AGBL4: variants seen among roughly 807,000 people sequenced by gnomAD.
AGBL4 encodes cytosolic carboxypeptidase 6.
Under a neutral mutation model 66.4 loss-of-function variants are expected in AGBL4, and 58 were observed. The ratio of observed to expected loss-of-function variants is 0.87; its 90% CI spans 0.71 to 1.09. The LOEUF (loss-of-function observed/expected upper bound fraction) is 1.09, where lower values mean the gene tolerates loss of function less well. Among genes scored for constraint, AGBL4 ranks in the 50% least tolerant of loss-of-function variants. The pLI is 0.00. For synonymous variants in AGBL4, 234 were observed against 222.9 expected (o/e 1.05, Z -0.44); for missense variants, 579 against 631.0 (o/e 0.92, Z 0.88).
At chr1:49,682,155 C>G (rs976202014) in intron 3 of AGBL4, among the ~76,000 whole-genome samples, 7 of 152,116 alleles carry the variant, frequency 4.6e-5, no homozygotes, top group African/African-American at 1.2e-4. Flanking sequence ...TGCCTGTAAT[C>G]CCAGCACTTT....
intron 5 of AGBL4, among the ~76,000 whole-genome samples, chr1:49,018,171 C>A (rs2149017280): frequency 6.6e-6 from 1 of 152,308 alleles, no homozygotes; most frequent in African/African-American, 2.4e-5. Context: ...GGAAGATTAG[C>A]TGTGCTCAGT....
chr1:48,604,697 C>G (rs1284471115), intron 9 of AGBL4, among the ~76,000 whole-genome samples: 1 of 152,108 alleles, frequency 6.6e-6, no homozygotes, highest in Non-Finnish European at 1.5e-5. Context: ...TACTGGCGGG[C>G]TTTTCTGTAG....
chr1:49,618,098 T>A (rs912489853), intron 3 of AGBL4, among the ~76,000 whole-genome samples: 1 of 152,168 alleles, frequency 6.6e-6, no homozygotes, highest in Non-Finnish European at 1.5e-5. Flanking sequence ...AGTGAGAACA[T>A]GTGGTGTTTG....
intron 9 of AGBL4, among the ~76,000 whole-genome samples, chr1:48,622,522 C>T (rs1352250036): frequency 7.8e-6 from 1 of 128,888 alleles, no homozygotes; most frequent in East Asian, 2.5e-4. Context: ...CTTGCTCTGT[C>T]ACCCAGGCTG....
intron 5 of AGBL4, among the ~76,000 whole-genome samples, chr1:48,989,810 T>C (rs1307081046): frequency 1.3e-5 from 2 of 152,252 alleles, no homozygotes; most frequent in Non-Finnish European, 2.9e-5. Flanking sequence ...AGATCTTGGC[T>C]ATTGTGAACA....
chr1:49,371,397 T>C (rs1644342766), intron 3 of AGBL4, among the ~76,000 whole-genome samples: 1 of 152,170 alleles, frequency 6.6e-6, no homozygotes, highest in Non-Finnish European at 1.5e-5. Context: ...GGTAGTATGC[T>C]TGTTGTTTTA....
chr1:49,859,270 T>G (rs935747090), intron 1 of AGBL4, among the ~76,000 whole-genome samples: 5 of 152,180 alleles, frequency 3.3e-5, no homozygotes, highest in African/African-American at 1.2e-4. Flanking sequence ...ACTAAGCAGA[T>G]GAAGACATTA....
chr1:49,728,673 G>T (rs1420948692), intron 2 of AGBL4, among the ~76,000 whole-genome samples: 1 of 152,096 alleles, frequency 6.6e-6, no homozygotes, highest in Non-Finnish European at 1.5e-5. Flanking sequence ...GAAGAGGGAA[G>T]AAAAACAGGA....
At position 49,250,483 on chromosome 1, in the gene AGBL4, C is replaced by T. The variant is rs536442560; in HGVS notation, c.283-4619G>A. Among the ~76,000 whole-genome samples the T allele has an allele frequency of 3.3e-4, 45 of 136,350 alleles. 1 individual carries two copies. Among genetic ancestry groups the T allele is most frequent in the South Asian group, 4.7e-4 (2 of 4,290 alleles). The allele number at this position is 136,350 out of a possible 152,430, so 89.5% of individuals were successfully genotyped here. Reference sequence around the variant, plus strand: ...TTTTTGAGACAGAATCTCATTCTGTCGCCAGGCTGGAGAGCAGTGGCTTGA... The same window carrying T: ...TTTTTGAGACAGAATCTCATTCTGTTGCCAGGCTGGAGAGCAGTGGCTTGA... On this transcript the variant is annotated intron_variant, in intron 3 of 13. Coordinates refer to ENST00000371839, the MANE Select transcript of AGBL4 (RefSeq NM_032785.4).
At chr1:49,696,713 C>A (rs1043607523) in intron 3 of AGBL4, among the ~76,000 whole-genome samples, 3 of 151,956 alleles carry the variant, frequency 2.0e-5, no homozygotes, top group East Asian at 3.9e-4. Context: ...TGGTCCCACG[C>A]GTTTAAGATA....
rs1646901070 is a variant in AGBL4 at position 49,873,857 on chromosome 1, C to A, written c.35-22339G>T. On this transcript the variant is annotated intron_variant, in intron 1 of 13. Transcript: ENST00000371839. ...AGAAAAAAACAAAACAAACAAATAC[C>A]AGCAAGATTTTTTTTGTAGAAATCA... Among the ~76,000 whole-genome samples the A allele has an allele frequency of 2.0e-5, 3 of 151,890 alleles. No individual in the cohort carries two copies. The South Asian group carries it at 6.2e-4, about 32-fold the overall frequency.
chr1:49,827,460 G>T (rs976391537), intron 2 of AGBL4, among the ~76,000 whole-genome samples: 2 of 152,090 alleles, frequency 1.3e-5, no homozygotes, highest in African/African-American at 4.8e-5. Flanking sequence ...GTTTGGTTTG[G>T]AAAGCTGTCC....
intron 6 of AGBL4, among the ~76,000 whole-genome samples, chr1:48,666,859 G>A (rs1242699930): frequency 6.6e-6 from 1 of 152,130 alleles, no homozygotes; most frequent in African/African-American, 2.4e-5. Context: ...TTCTTTGCCA[G>A]GCACTTTACA....
chr1:49,326,466 G>A (rs1270687115), intron 3 of AGBL4, among the ~76,000 whole-genome samples: 1 of 152,134 alleles, frequency 6.6e-6, no homozygotes, highest in Non-Finnish European at 1.5e-5. Flanking sequence ...GAGACATTTT[G>A]GGGAATCAGC....
intron 5 of AGBL4, among the ~76,000 whole-genome samples, chr1:48,879,898 A>G (rs895922473): frequency 1.3e-5 from 2 of 152,186 alleles, no homozygotes; most frequent in African/African-American, 4.8e-5. Flanking sequence ...AATTCTACCA[A>G]TGATATCAAA....
intron 1 of AGBL4, among the ~76,000 whole-genome samples, chr1:49,932,200 A>G (rs946535713): frequency 1.3e-5 from 2 of 152,196 alleles, no homozygotes; most frequent in Admixed American, 6.5e-5. Context: ...ATAAAACTAG[A>G]CATACATGGT....
chr1:49,308,853 G>A (rs913325067), intron 3 of AGBL4, among the ~76,000 whole-genome samples: 18 of 152,132 alleles, frequency 1.2e-4, no homozygotes, highest in Non-Finnish European at 1.5e-5. Context: ...TAACTCTATT[G>A]AGCACTGTGT....
At chr1:49,049,102 T>C (rs1466487627) in intron 4 of AGBL4, among the ~76,000 whole-genome samples, 1 of 152,132 alleles carries the variant, frequency 6.6e-6, no homozygotes, top group Non-Finnish European at 1.5e-5. Context: ...TTCACCCTCC[T>C]TGAAACCTTT....
chr1:48,574,410 G>C (rs1366635759), intron 11 of AGBL4, among the ~76,000 whole-genome samples: 1 of 152,160 alleles, frequency 6.6e-6, no homozygotes, highest in Non-Finnish European at 1.5e-5. Flanking sequence ...CAAATGAAAT[G>C]ATGGTTCCGA....
Sources: allele counts gnomAD v4.1 joint callset (sites outside exome capture counted in the v4.1 genomes callset), GRCh38; gene constraint gnomAD v4.1.1; transcripts MANE v1.5; gene names NCBI Gene and HGNC (gene_info 2026-07-23, HGNC 2026-07-21).